WDR70: variants seen among roughly 807,000 people sequenced by gnomAD.
WDR70 encodes the protein WD repeat-containing protein 70.
Under a neutral mutation model 88.6 loss-of-function variants are expected in WDR70, and 53 were observed. That is an observed-to-expected ratio of 0.60 (90% CI 0.48 to 0.75). WDR70 has a LOEUF of 0.75. Among genes scored for constraint, WDR70 ranks in the 30% least tolerant of loss-of-function variants. The probability of loss-of-function intolerance (pLI) is 0.00; values close to 1 mark genes in which losing one functional copy is unlikely to be tolerated. For missense variants in WDR70, 610 were observed against 823.2 expected (o/e 0.74, Z 3.17); for synonymous variants, 280 against 270.0 (o/e 1.04, Z -0.36).
At chr5:37,698,951 C>G (rs1396931929) in intron 11 of WDR70, among the ~76,000 whole-genome samples, 1 of 152,148 alleles carries the variant, frequency 6.6e-6, no homozygotes, top group East Asian at 1.9e-4. Flanking sequence ...TCCATCAATT[C>G]TAACCTGCTA....
At chr5:37,724,639 C>T (rs914212470) in intron 15 of WDR70, 54 of 284,814 alleles carry the variant, frequency 1.9e-4, no homozygotes, top group African/African-American at 9.5e-4. Context: ...TTCAAAACCA[C>T]GGTAATTAAG....
At chr5:37,589,249 T>TAAACACAC (rs770022306) in intron 9 of WDR70, among the ~76,000 whole-genome samples, 1 of 140,102 alleles carries the variant, frequency 7.1e-6, no homozygotes, top group Non-Finnish European at 1.5e-5. Context: ...CCTACACACA[T>TAAACACAC]ACACACACAC....
chr5:37,536,627 A>T (rs897793577), intron 9 of WDR70, among the ~76,000 whole-genome samples: 8 of 152,110 alleles, frequency 5.3e-5, no homozygotes, highest in Non-Finnish European at 1.2e-4. Flanking sequence ...ATAGGTGTTG[A>T]ACTTCATCAA....
At chr5:37,419,398 G>A (rs1056074517) in intron 5 of WDR70, among the ~76,000 whole-genome samples, 1 of 150,834 alleles carries the variant, frequency 6.6e-6, no homozygotes, top group Non-Finnish European at 1.5e-5. Flanking sequence ...TAGAGACGGG[G>A]TTTCACCATC....
chr5:37,460,722 ATAAAAAC>A (rs1188698772), intron 7 of WDR70, among the ~76,000 whole-genome samples: 8 of 150,550 alleles, frequency 5.3e-5, no homozygotes, highest in East Asian at 3.9e-4. Context: ...AAAATAAAAA[ATAAAAAC>A]AAAAAGAAAA....
At chr5:37,446,710 A>G (rs1320637945) in intron 7 of WDR70, among the ~76,000 whole-genome samples, 1 of 152,220 alleles carries the variant, frequency 6.6e-6, no homozygotes, top group Non-Finnish European at 1.5e-5. Context: ...TATTTAATAA[A>G]TGGTGCTGGG....
At chr5:37,615,366 C>T (rs994206458) in intron 10 of WDR70, among the ~76,000 whole-genome samples, 3 of 151,984 alleles carry the variant, frequency 2.0e-5, no homozygotes, top group Admixed American at 6.6e-5. Flanking sequence ...CCAAGCCATG[C>T]GTCATGAAAT....
At chr5:37,735,776 T>G (rs1561097792) in intron 17 of WDR70, among the ~76,000 whole-genome samples, 1 of 152,016 alleles carries the variant, frequency 6.6e-6, no homozygotes, top group Non-Finnish European at 1.5e-5. Flanking sequence ...GTCTGGTTGG[T>G]TTTTTTTCTT....
intron 9 of WDR70, among the ~76,000 whole-genome samples, chr5:37,525,623 C>A (rs1425269940): frequency 1.3e-5 from 2 of 152,110 alleles, no homozygotes; most frequent in Non-Finnish European, 2.9e-5. Context: ...CAAGAAATAA[C>A]TAAGATCAGA....
intron 9 of WDR70, among the ~76,000 whole-genome samples, chr5:37,597,220 A>C (rs1743729713): frequency 6.6e-6 from 1 of 152,208 alleles, no homozygotes; most frequent in Admixed American, 6.5e-5. Context: ...TAACACTTAG[A>C]AATGACATTG....
chr5:37,673,587 C>CG lies in WDR70; in HGVS notation c.1093-24068_1093-24067insG, dbSNP rs113910322. Among the ~76,000 whole-genome samples, 381 of 100,620 alleles carry CG rather than the reference C, an allele frequency of 3.8e-3. 13 individuals carry two copies. Among genetic ancestry groups the CG allele is most frequent in the African/African-American group, 0.014 (363 of 25,990 alleles). The allele number at this position is 100,620 out of a possible 152,430, so 66.0% of individuals were successfully genotyped here. ...TGCTATTTTTTGACTTTTCTTACCC[C>CG]CCCCCCACCCTTTTTTTTTCTTTCC... On this transcript the variant is annotated intron_variant, in intron 10 of 17. Coordinates refer to ENST00000265107, the MANE Select transcript of WDR70 (RefSeq NM_018034.4).
chr5:37,448,171 G>A (rs1245994436), intron 7 of WDR70, among the ~76,000 whole-genome samples: 3 of 151,964 alleles, frequency 2.0e-5, no homozygotes, highest in Non-Finnish European at 2.9e-5. Flanking sequence ...TCAGTCAATT[G>A]CAGTCATTAT....
At chr5:37,427,609 C>T (rs1268233447) in intron 5 of WDR70, among the ~76,000 whole-genome samples, 1 of 152,170 alleles carries the variant, frequency 6.6e-6, no homozygotes, top group African/African-American at 2.4e-5. Context: ...GGCATGGTGG[C>T]TCACACCAGT....
intron 10 of WDR70, among the ~76,000 whole-genome samples, chr5:37,612,720 A>G (rs1391502960): frequency 6.6e-6 from 1 of 152,218 alleles, no homozygotes; most frequent in Admixed American, 6.5e-5. Flanking sequence ...GATAAAGAGT[A>G]TAGGTGCCTT....
At chr5:37,528,697 G>A (rs140361577) in intron 9 of WDR70, among the ~76,000 whole-genome samples, 1 of 151,934 alleles carries the variant, frequency 6.6e-6, no homozygotes, top group Non-Finnish European at 1.5e-5. Flanking sequence ...TGATTTCCTT[G>A]TAGATTCTAG....
At chr5:37,555,154 A>G (rs1382001822) in intron 9 of WDR70, among the ~76,000 whole-genome samples, 2 of 152,200 alleles carry the variant, frequency 1.3e-5, no homozygotes, top group Non-Finnish European at 2.9e-5. Context: ...AATGCATTGG[A>G]AAATTCACAG....
At chr5:37,746,186 T>C (rs964266504) in intron 17 of WDR70, among the ~76,000 whole-genome samples, 2 of 152,156 alleles carry the variant, frequency 1.3e-5, no homozygotes, top group African/African-American at 4.8e-5. Flanking sequence ...CCTGGATAGA[T>C]AGTGAAATTA....
At chr5:37,422,314 G>A (rs1581266191) in intron 5 of WDR70, among the ~76,000 whole-genome samples, 1 of 147,216 alleles carries the variant, frequency 6.8e-6, no homozygotes, top group East Asian at 2.0e-4. Flanking sequence ...TTTTGAGACA[G>A]AGTCTCACTC....
chr5:37,632,313 C>CT (rs1744840285), intron 10 of WDR70, among the ~76,000 whole-genome samples: 1 of 151,876 alleles, frequency 6.6e-6, no homozygotes. Flanking sequence ...TATACTATAC[C>CT]TTTAGTGTAT....
Sources: gnomAD v4.1 joint callset for allele counts (sites outside exome capture counted in the v4.1 genomes callset) on GRCh38, gnomAD v4.1.1 for gene constraint, MANE v1.5 for transcripts, NCBI Gene and HGNC (gene_info 2026-07-23, HGNC 2026-07-21) for gene names.